Variants in EGFL6 observed in about 807,000 individuals in gnomAD.
EGFL6 encodes EGF like domain multiple 6.
Under a neutral mutation model 43.1 loss-of-function variants are expected in EGFL6, and 42 were observed. That is an observed-to-expected ratio of 0.98 (90% CI 0.76 to 1.26). EGFL6 has a LOEUF of 1.26. EGFL6 is among the 50% of genes most tolerant of loss of function. EGFL6 has a pLI of 0.00. For missense variants in EGFL6, 429 were observed against 427.8 expected (o/e 1.00, Z -0.02); for synonymous variants, 164 against 163.2 (o/e 1.01, Z -0.04).
intron 3 of EGFL6, among the ~76,000 whole-genome samples, chrX:13,595,847 G>A (rs1416070038): frequency 2.7e-5 from 3 of 109,156 alleles, no homozygotes; most frequent in Non-Finnish European, 5.7e-5. Flanking sequence ...AGCCTTCTGA[G>A]TAGCAGGGAC....
At position 13,576,809 on chromosome X, in the gene EGFL6, C is replaced by T. The variant is rs763724274; in HGVS notation, c.74+6874C>T. On this transcript the variant is annotated intron_variant, in intron 1 of 11. Coordinates refer to ENST00000361306, the MANE Select transcript of EGFL6 (RefSeq NM_015507.4). ...GTTAAATGATTTGCCCAGAATCTCA[C>T]ATTGAACAAGTGACAGATTTAAAAG... Among the ~76,000 whole-genome samples, 3 of 111,546 alleles carry T rather than the reference C, an allele frequency of 2.7e-5. No individual in the cohort carries two copies. In the East Asian group the frequency reaches 8.4e-4, roughly 31 times the overall value.
intron 5 of EGFL6, among the ~76,000 whole-genome samples, 200 bp from the exon 6 acceptor site, chrX:13,606,179 T>TA (rs1346844487): frequency 1.8e-5 from 2 of 111,638 alleles, no homozygotes; most frequent in Non-Finnish European, 3.8e-5. Flanking sequence ...TAAAAAGGTA[T>TA]AAAATAATAT....
intron 7 of EGFL6, among the ~76,000 whole-genome samples, chrX:13,616,620 AAAAG>A (rs1468333606): frequency 1.8e-5 from 2 of 110,462 alleles, no homozygotes; most frequent in Admixed American, 9.6e-5. Flanking sequence ...CAAAAAAAAA[AAAAG>A]AAAGAAAAGA....
rs369301270 is a variant in EGFL6, at chrX:13,569,848, G to A, written c.-14G>A. ...GAGGGGGGCTCAGGAGGAGGAAGGA[G>A]GACCCGTGCGAGAATGCCTCTGCCC... On this transcript the variant is annotated 5_prime_UTR_variant, in exon 1 of 12. Transcript: ENST00000361306. 33 of 1,209,733 alleles carry A rather than the reference G, an allele frequency of 2.7e-5. No individual in the cohort carries two copies. The highest frequency in any genetic ancestry group is 3.6e-5 in the Non-Finnish European group (32 of 894,314).
intron 9 of EGFL6, among the ~76,000 whole-genome samples, chrX:13,623,552 T>C (rs1210487469): frequency 9.3e-6 from 1 of 107,124 alleles, no homozygotes; most frequent in Non-Finnish European, 1.9e-5. Context: ...TTTTGTATTT[T>C]TAGTAGAGAC....
chrX:13,627,283 G>GTA lies in EGFL6; in HGVS notation c.1551+7_1551+8insTA. 8.4e-7 allele frequency: 1 copy of GTA among 1,194,480 alleles called. No homozygotes were observed. Among genetic ancestry groups the GTA allele is most frequent in the Non-Finnish European group, 1.1e-6 (1 of 885,768 alleles). On this transcript the variant is annotated splice_region_variant and intron_variant, in intron 11 of 11. Coordinates refer to ENST00000361306, the MANE Select transcript of EGFL6 (RefSeq NM_015507.4). ...AACTGATGCTACCAAAAGCGTAAGT[G>GTA]GGAAAAAAATGATTAAACTCAATAT...
intron 6 of EGFL6, 107 bp downstream of exon 6, chrX:13,606,620 C>A: frequency 1.2e-6 from 1 of 856,338 alleles, no homozygotes; most frequent in Non-Finnish European, 1.6e-6. Context: ...GAACAATCTA[C>A]TGTGCTGACC....
chrX:13,599,939 A>G, intron 3 of EGFL6, 36 bp from the exon 4 acceptor site: 1 of 1,203,581 alleles, frequency 8.3e-7, no homozygotes, highest in Non-Finnish European at 1.1e-6. Flanking sequence ...TTCCTGATTC[A>G]GTTCACCTTT....
chrX:13,591,948 C>T (rs2045565736), intron 2 of EGFL6, among the ~76,000 whole-genome samples: 1 of 111,755 alleles, frequency 8.9e-6, no homozygotes, highest in Non-Finnish European at 1.9e-5. Flanking sequence ...TGGGGGAGAA[C>T]CAAATAAGAC....
intron 8 of EGFL6, 42 bp from the exon 9 acceptor site, chrX:13,619,121 C>CT: frequency 1.8e-6 from 2 of 1,091,397 alleles, no homozygotes; most frequent in East Asian, 6.0e-5. Context: ...AGCATGTGGG[C>CT]TTTAAGGTTT....
At chrX:13,619,080 CTTT>C in intron 8 of EGFL6, 80 bp from the exon 9 acceptor site, 1 of 740,441 alleles carries the variant, frequency 1.4e-6, no homozygotes, top group Non-Finnish European at 2.1e-6. Flanking sequence ...ATCTAACCTT[CTTT>C]GTTTGGTCAT....
chrX:13,606,478 A>G lies in EGFL6; in HGVS notation c.620A>G (p.Glu207Gly). 8.3e-7 allele frequency: 1 copy of G among 1,211,513 alleles called. No individual in the cohort carries two copies. Among genetic ancestry groups the G allele is most frequent in the Non-Finnish European group, 1.1e-6 (1 of 895,263 alleles). ...TACTGCAAATGTCACATTGGTTTCG[A>G]ACTGCAATATATCAGTGGACGATAT... Reference protein sequence around the residue: ...SYYCKCHIGFELQYISGRYDC... With the variant: ...SYYCKCHIGFGLQYISGRYDC... The change falls in exon 6 of 12, where the codon GAA becomes GGA. Residue 207 changes from glutamate to glycine, a missense_variant. Coordinates refer to ENST00000361306, the MANE Select transcript of EGFL6 (RefSeq NM_015507.4).
intron 1 of EGFL6, among the ~76,000 whole-genome samples, chrX:13,580,362 A>T (rs772704709): frequency 3.6e-5 from 4 of 111,594 alleles, no homozygotes; most frequent in Non-Finnish European, 7.5e-5. Context: ...TGCATTCTTG[A>T]CCGATTCATT....
chrX:13,593,135 A>T (rs1019531122), intron 2 of EGFL6, among the ~76,000 whole-genome samples: 1 of 109,935 alleles, frequency 9.1e-6, no homozygotes, highest in Non-Finnish European at 1.9e-5. Flanking sequence ...GGCTGGTCTC[A>T]AACTCCTGAC....
At chrX:13,590,798 A>C (rs1339393237) in intron 2 of EGFL6, among the ~76,000 whole-genome samples, 1 of 112,316 alleles carries the variant, frequency 8.9e-6, no homozygotes, top group Non-Finnish European at 1.9e-5. Flanking sequence ...GCATAAAAAT[A>C]CTAGACAAAA....
intron 11 of EGFL6, 86 bp from the exon 12 acceptor site, chrX:13,632,899 C>A: frequency 1.2e-6 from 1 of 848,576 alleles, no homozygotes; most frequent in Non-Finnish European, 1.7e-6. Context: ...GAAATAGGGA[C>A]ACGAGTTAAT....
At chrX:13,609,482 C>A (rs1424170990) in intron 7 of EGFL6, among the ~76,000 whole-genome samples, 2 of 111,465 alleles carry the variant, frequency 1.8e-5, no homozygotes, top group Non-Finnish European at 3.8e-5. Context: ...CTGGGCGTGG[C>A]GGCTCACACC....
intron 7 of EGFL6, among the ~76,000 whole-genome samples, chrX:13,611,949 A>G (rs1445499171): frequency 1.8e-5 from 2 of 112,162 alleles, no homozygotes; most frequent in African/African-American, 3.2e-5. Flanking sequence ...CTAATTCTCC[A>G]TAAAATAAAC....
Position 13,569,860 on chromosome X carries a change from G to A in EGFL6, c.-2G>A, listed in dbSNP as rs2045430244. On this transcript the variant is annotated 5_prime_UTR_variant, in exon 1 of 12. Coordinates refer to ENST00000361306, the MANE Select transcript of EGFL6 (RefSeq NM_015507.4). ...GGAGGAGGAAGGAGGACCCGTGCGA[G>A]AATGCCTCTGCCCTGGAGCCTTGCG... The A allele has an allele frequency of 8.3e-7, 1 of 1,211,822 alleles. No homozygotes were observed. The highest frequency in any genetic ancestry group is 3.0e-5 in the East Asian group (1 of 33,836).
Sources: allele counts gnomAD v4.1 joint callset (sites outside exome capture counted in the v4.1 genomes callset), GRCh38; gene constraint gnomAD v4.1.1; transcripts MANE v1.5; gene names NCBI Gene and HGNC (gene_info 2026-07-23, HGNC 2026-07-21).